The following HCN1 variants were observed in gnomAD, a reference collection of about 807,000 sequenced individuals.
HCN1 encodes the protein hyperpolarization activated cyclic nucleotide gated potassium channel 1, also known as potassium/sodium hyperpolarization-activated cyclic nucleotide-gated channel 1.
HCN1 carries 13 observed loss-of-function variants against 78.9 expected under a neutral mutation model. That is an observed-to-expected ratio of 0.16 (90% CI 0.11 to 0.26). The LOEUF is 0.26. Among genes scored for constraint, HCN1 ranks in the 10% least tolerant of loss-of-function variants. The pLI is 1.00. For synonymous variants in HCN1, 552 were observed against 455.5 expected, an observed-to-expected ratio of 1.21 and a Z score of -2.70; for missense variants, 810 against 1,154.3, an observed-to-expected ratio of 0.70 and a Z score of 4.32.
intron 3 of HCN1, among the ~76,000 whole-genome samples, chr5:45,427,787 G>A (rs912382429): frequency 5.9e-5 from 9 of 152,168 alleles, no homozygotes; most frequent in African/African-American, 1.9e-4. Context: ...AGTATAAAAT[G>A]TTTTTATGTC....
At chr5:45,376,757 G>A (rs1414320960) in intron 4 of HCN1, among the ~76,000 whole-genome samples, 2 of 151,860 alleles carry the variant, frequency 1.3e-5, no homozygotes, top group Non-Finnish European at 2.9e-5. Context: ...GTGTCACTGG[G>A]ATTCTGAACC....
intron 2 of HCN1, among the ~76,000 whole-genome samples, chr5:45,565,023 A>C (rs780820552): frequency 4.6e-5 from 7 of 152,196 alleles, no homozygotes; most frequent in African/African-American, 1.2e-4. Flanking sequence ...AAATTAAATT[A>C]AACTGAAATT....
chr5:45,434,649 T>G (rs1740527115), intron 3 of HCN1, among the ~76,000 whole-genome samples: 1 of 152,194 alleles, frequency 6.6e-6, no homozygotes, highest in Admixed American at 6.6e-5. Context: ...TATGGGTGAT[T>G]TGAAAATTGC....
At chr5:45,353,068 G>A (rs1436230187) in intron 5 of HCN1, 32 bp downstream of exon 5, 2 of 1,544,910 alleles carry the variant, frequency 1.3e-6, no homozygotes, top group Admixed American at 1.7e-5. Context: ...CAATGATTAT[G>A]TATTATGCAT....
chr5:45,437,536 T>C (rs139746924), intron 3 of HCN1, among the ~76,000 whole-genome samples: 49 of 152,330 alleles, frequency 3.2e-4, no homozygotes, highest in African/African-American at 1.1e-3. Flanking sequence ...ACATTCATGG[T>C]ATGCACACAA....
At chr5:45,653,043 C>T (rs1441963751) in intron 1 of HCN1, among the ~76,000 whole-genome samples, 1 of 151,912 alleles carries the variant, frequency 6.6e-6, no homozygotes. Flanking sequence ...GAAATGTAAC[C>T]ACTCAAAATC....
At chr5:45,374,291 T>A (rs376170148) in intron 4 of HCN1, among the ~76,000 whole-genome samples, 85 of 67,322 alleles carry the variant, frequency 1.3e-3, no homozygotes, top group African/African-American at 4.1e-3. Context: ...TTATATACAT[T>A]ATATATATTG....
At chr5:45,472,448 C>G (rs1425013768) in intron 2 of HCN1, among the ~76,000 whole-genome samples, 1 of 146,078 alleles carries the variant, frequency 6.8e-6, no homozygotes, top group Non-Finnish European at 1.5e-5. Flanking sequence ...ACAAAACATG[C>G]ACTTAACACG....
intron 3 of HCN1, among the ~76,000 whole-genome samples, chr5:45,454,294 C>A (rs1299153347): frequency 6.6e-6 from 1 of 151,828 alleles, no homozygotes; most frequent in East Asian, 1.9e-4. Flanking sequence ...TGTTTCTATC[C>A]AATAGAGAGC....
intron 2 of HCN1, among the ~76,000 whole-genome samples, chr5:45,522,877 C>A (rs139424826): frequency 0.1 from 15,596 of 151,630 alleles, 1,097 homozygotes; most frequent in Middle Eastern, 0.2. Context: ...TATTACTATA[C>A]TTTAAGTTTT....
chr5:45,554,639 A>G (rs950500904), intron 2 of HCN1, among the ~76,000 whole-genome samples: 1 of 151,676 alleles, frequency 6.6e-6, no homozygotes, highest in African/African-American at 2.4e-5. Context: ...GCCTAATCCA[A>G]CCTGTGGGGA....
At chr5:45,586,631 A>G (rs1443264904) in intron 2 of HCN1, among the ~76,000 whole-genome samples, 1 of 152,262 alleles carries the variant, frequency 6.6e-6, no homozygotes, top group South Asian at 2.1e-4. Flanking sequence ...TGGGAGCTGT[A>G]GAGTGCAGCT....
At chr5:45,383,639 A>G (rs1747857116) in intron 4 of HCN1, among the ~76,000 whole-genome samples, 1 of 152,026 alleles carries the variant, frequency 6.6e-6, no homozygotes, top group South Asian at 2.1e-4. Context: ...GGTTGCGGTG[A>G]GCTGAGGAGA....
rs867731164 is a variant in HCN1, at chr5:45,452,454, T to A, written c.1011+9392A>T. ...CAGGTAGTAAGTATAGTACCCAGAA[T>A]AAATTACATCTCTAAAAACAGCAAA... On this transcript the variant is annotated intron_variant, in intron 3 of 7. Coordinates refer to ENST00000303230, the MANE Select transcript of HCN1 (RefSeq NM_021072.4). 1.7e-4 allele frequency among the ~76,000 whole-genome samples: 25 copies of A among 151,402 alleles called. No individual in the cohort carries two copies. The South Asian group carries it at 2.9e-3, about 18-fold the overall frequency.
chr5:45,625,442 T>C (rs536594871), intron 2 of HCN1, among the ~76,000 whole-genome samples: 2 of 152,282 alleles, frequency 1.3e-5, no homozygotes, highest in South Asian at 4.1e-4. Context: ...TGCCTCATTG[T>C]CCATATCTTC....
chr5:45,318,242 A>T (rs1356445930), intron 5 of HCN1, among the ~76,000 whole-genome samples: 1 of 152,002 alleles, frequency 6.6e-6, no homozygotes, highest in African/African-American at 2.4e-5. Context: ...GCCATAAAAA[A>T]GATGAATTCA....
intron 2 of HCN1, among the ~76,000 whole-genome samples, chr5:45,521,087 C>G (rs1304886342): frequency 6.6e-6 from 1 of 151,552 alleles, no homozygotes; most frequent in Non-Finnish European, 1.5e-5. Flanking sequence ...CTTGTACCAT[C>G]TGGGAGCCCT....
intron 2 of HCN1, among the ~76,000 whole-genome samples, chr5:45,567,791 C>T (rs887411133): frequency 4.6e-5 from 7 of 151,736 alleles, no homozygotes; most frequent in African/African-American, 1.7e-4. Context: ...TTTAACTGTC[C>T]CTGGAAAGTT....
chr5:45,480,663 GT>G (rs1265935253), intron 2 of HCN1, among the ~76,000 whole-genome samples: 1 of 152,086 alleles, frequency 6.6e-6, no homozygotes, highest in Non-Finnish European at 1.5e-5. Context: ...AAGAATAAAT[GT>G]CCCGGGACAA....
Sources: gnomAD v4.1 joint callset for allele counts (sites outside exome capture counted in the v4.1 genomes callset) on GRCh38, gnomAD v4.1.1 for gene constraint, MANE v1.5 for transcripts, NCBI Gene and HGNC (gene_info 2026-07-23, HGNC 2026-07-21) for gene names.